ZNF583: variants seen among roughly 807,000 people sequenced by gnomAD.
The protein encoded by ZNF583 is zinc finger protein 583.
A neutral mutation model predicts 55.3 loss-of-function variants in ZNF583; 30 were observed. The ratio of observed to expected loss-of-function variants is 0.54; its 90% CI spans 0.41 to 0.74. ZNF583 has a LOEUF of 0.74. Ranked by LOEUF, ZNF583 falls within the 30% of genes least tolerant of loss-of-function variation. The pLI is 0.00. For synonymous variants in ZNF583, 208 were observed against 220.0 expected (o/e 0.95, Z 0.48); for missense variants, 504 against 664.7 (o/e 0.76, Z 2.66).
At chr19:56,412,364 G>C (rs1304628710) in intron 2 of ZNF583, among the ~76,000 whole-genome samples, 1 of 152,148 alleles carries the variant, frequency 6.6e-6, no homozygotes, top group East Asian at 1.9e-4. Context: ...TAATTTTTAG[G>C]GAGCAAACTA....
chr19:56,410,427 T>C (rs960882849), intron 2 of ZNF583, among the ~76,000 whole-genome samples: 3 of 152,058 alleles, frequency 2.0e-5, no homozygotes, highest in African/African-American at 4.8e-5. Flanking sequence ...CAGCTGGGTG[T>C]GGTGGCTCAC....
At chr19:56,405,371 G>GGCAT (rs1366953873) in intron 1 of ZNF583, among the ~76,000 whole-genome samples, 19 of 152,120 alleles carry the variant, frequency 1.2e-4, no homozygotes, top group Admixed American at 1.2e-3. Context: ...ACAATGTGGG[G>GGCAT]GCATGTCCAT....
chr19:56,424,108 A>G lies in ZNF583; in HGVS notation c.1450A>G (p.Arg484Gly). ...GAATGCAGGCCTTGCTCAACATCAG[A>G]GAATTCATACTGGAGAGAAACCTTA... ...SQNAGLAQHQ[R>G]IHTGEKPYEC... is the part of the protein sequence containing the mutation. The change falls in exon 5 of 5, where the codon AGA becomes GGA. Residue 484 changes from arginine (R) to glycine (G), a missense_variant. Coordinates refer to ENST00000333201, the MANE Select transcript of ZNF583 (RefSeq NM_152478.3). 6.2e-7 allele frequency: 1 copy of G among 1,614,168 alleles called. No homozygotes were observed. The highest frequency in any genetic ancestry group is 1.1e-5 in the South Asian group (1 of 91,078).
At chr19:56,405,175 A>G (rs2042126939) in intron 1 of ZNF583, among the ~76,000 whole-genome samples, 1 of 152,144 alleles carries the variant, frequency 6.6e-6, no homozygotes, top group African/African-American at 2.4e-5. Flanking sequence ...ACTGTATGTG[A>G]ACAGAGTTTT....
At position 56,423,461 on chromosome 19, in the gene ZNF583, A is replaced by G. The variant is rs1178862183; in HGVS notation, c.803A>G (p.Tyr268Cys). The G allele has an allele frequency of 6.2e-7, 1 of 1,614,010 alleles. No individual in the cohort carries two copies. Among genetic ancestry groups the G allele is most frequent in the Non-Finnish European group, 8.5e-7 (1 of 1,179,954 alleles). ...AGAATACATACTGGAGAGAAACCCTATGAATGTAAAGAATGTAGGAAAGCC... is the reference window on the plus strand; with the variant it reads ...AGAATACATACTGGAGAGAAACCCTGTGAATGTAAAGAATGTAGGAAAGCC... Reference protein sequence around the residue: ...HKRIHTGEKPYECKECRKAFS... With the variant: ...HKRIHTGEKPCECKECRKAFS... Residue 268 changes from tyrosine to cysteine, a missense_variant, in exon 5 of 5, where the codon TAT (tyrosine) becomes TGT (cysteine). Around this residue, in one of 3 missense-constraint regions of ZNF583, gnomAD observed 237 missense variants for 373.0 expected, o/e 0.64. Coordinates refer to ENST00000333201, the MANE Select transcript of ZNF583 (RefSeq NM_152478.3).
rs190512773 is a variant in ZNF583, at chr19:56,408,949, T to G, written c.9+1826T>G. ...TTGCTGTCCCTCAGACTTACTGTGC[T>G]TTTTCTTGTCTCTGGACTTTTGCAT... On this transcript the variant is annotated intron_variant, in intron 2 of 4. Transcript: ENST00000333201. Among the ~76,000 whole-genome samples, 8 of 152,312 alleles carry G rather than the reference T, an allele frequency of 5.3e-5. No homozygotes were observed. In the East Asian group the frequency reaches 1.5e-3, roughly 29 times the overall value.
At chr19:56,413,810 CAT>C (rs2042274373) in intron 2 of ZNF583, 147 bp from the exon 3 acceptor site, 6 of 946,856 alleles carry the variant, frequency 6.3e-6, no homozygotes, top group Admixed American at 5.0e-5. Flanking sequence ...AATTACCTGA[CAT>C]GTGTTGCTCA....
intron 4 of ZNF583, among the ~76,000 whole-genome samples, chr19:56,419,826 T>C (rs1188392201): frequency 1.3e-5 from 2 of 152,228 alleles, no homozygotes; most frequent in African/African-American, 2.4e-5. Flanking sequence ...AGCTGTAGGC[T>C]ATGTAATGAT....
Position 56,424,123 on chromosome 19 carries a change from G to C in ZNF583, c.1465G>C (p.Glu489Gln). Reference sequence around the variant, plus strand: ...TCAACATCAGAGAATTCATACTGGAGAGAAACCTTATGAATGTAATGTTTG... The same window carrying C: ...TCAACATCAGAGAATTCATACTGGACAGAAACCTTATGAATGTAATGTTTG... ...LAQHQRIHTG[E>Q]KPYECNVCGK... Residue 489 changes from glutamate (E) to glutamine (Q), a missense_variant, in exon 5 of 5, where the codon GAG (glutamate) becomes CAG (glutamine). Coordinates refer to ENST00000333201, the MANE Select transcript of ZNF583 (RefSeq NM_152478.3). The C allele has an allele frequency of 6.2e-7, 1 of 1,612,210 alleles. No homozygotes were observed. The highest frequency in any genetic ancestry group is 8.5e-7 in the Non-Finnish European group (1 of 1,178,598).
At chr19:56,413,876 G>A in intron 2 of ZNF583, 83 bp from the exon 3 acceptor site, 1 of 1,586,000 alleles carries the variant, frequency 6.3e-7, no homozygotes, top group Non-Finnish European at 8.6e-7. Flanking sequence ...TTCTCTAAAA[G>A]TATAGACAAT....
chr19:56,411,507 A>T (rs1380184324), intron 2 of ZNF583, among the ~76,000 whole-genome samples: 1 of 152,248 alleles, frequency 6.6e-6, no homozygotes. Context: ...CAGCTAAAAA[A>T]TGTCTCAAGG....
At chr19:56,411,865 C>T (rs115479391) in intron 2 of ZNF583, among the ~76,000 whole-genome samples, 280 of 152,160 alleles carry the variant, frequency 1.8e-3, no homozygotes, top group African/African-American at 5.8e-3. Flanking sequence ...TGCATTTTTC[C>T]GGCAGTAGCA....
rs183606433 is a variant in ZNF583 at position 56,414,125 on chromosome 19, A to G, written c.136+40A>G. The G allele has an allele frequency of 1.9e-6, 3 of 1,557,562 alleles. No homozygotes were observed. The East Asian group carries it at 6.7e-5, about 35-fold the overall frequency. ...CCTTAATTCAGAATCTGTACATGGG[A>G]CTGAGCTCCAATGTAATATTTGGGA... On this transcript the variant is annotated intron_variant, in intron 3 of 4. Coordinates refer to ENST00000333201, the MANE Select transcript of ZNF583 (RefSeq NM_152478.3).
rs2042254182 is a variant in ZNF583 at position 56,412,484 on chromosome 19, T to C, written c.10-1475T>C. ...TCTCTTGCTCATCAAACAGGCACAA[T>C]TGTGTATGTTTCTCTAGTGAGAGCT... On this transcript the variant is annotated intron_variant, in intron 2 of 4. Coordinates refer to ENST00000333201, the MANE Select transcript of ZNF583 (RefSeq NM_152478.3). Among the ~76,000 whole-genome samples the C allele has an allele frequency of 2.0e-5, 3 of 152,218 alleles. No individual in the cohort carries two copies. In the South Asian group the frequency reaches 6.2e-4, roughly 32 times the overall value.
Position 56,414,294 on chromosome 19 carries a change from T to G in ZNF583, c.137-51T>G, listed in dbSNP as rs373191163. The G allele has an allele frequency of 1.8e-5, 29 of 1,592,830 alleles. No homozygotes were observed. In the African/African-American group the frequency reaches 3.2e-4, roughly 18 times the overall value. ...CCCACCTTCTTGATGATGCAGAAAC[T>G]TGATCTTATTTATAGACCTGCCTAA... On this transcript the variant is annotated intron_variant, in intron 3 of 4. Coordinates refer to ENST00000333201, the MANE Select transcript of ZNF583 (RefSeq NM_152478.3).
chr19:56,413,665 A>G (rs890541015), intron 2 of ZNF583, among the ~76,000 whole-genome samples: 5 of 152,166 alleles, frequency 3.3e-5, no homozygotes, highest in Admixed American at 3.3e-4. Context: ...CATATTTTAT[A>G]CTTTATTTAC....
rs756629336 is a variant in ZNF583, at chr19:56,409,012, T to TC, written c.9+1894dup. On this transcript the variant is annotated intron_variant, in intron 2 of 4. Coordinates refer to ENST00000333201, the MANE Select transcript of ZNF583 (RefSeq NM_152478.3). ...CCCCCTACATGTTGACATAGCTTGC[T>TC]CCCCCATTTCATTTAGATTGTTGTT... Among the ~76,000 whole-genome samples, 19 of 150,240 alleles carry TC rather than the reference T, an allele frequency of 1.3e-4. 1 individual carries two copies. Among genetic ancestry groups the TC allele is most frequent in the East Asian group, 7.8e-4 (4 of 5,128 alleles).
At chr19:56,421,421 C>G in intron 4 of ZNF583, 1 of 982,500 alleles carries the variant, frequency 1.0e-6, no homozygotes, top group African/African-American at 1.7e-5. Context: ...TTCATGTTGA[C>G]TTTTTATAGG....
intron 2 of ZNF583, among the ~76,000 whole-genome samples, chr19:56,410,259 T>C (rs1055834081): frequency 6.6e-6 from 1 of 152,232 alleles, no homozygotes; most frequent in Non-Finnish European, 1.5e-5. Flanking sequence ...AATTTGACCG[T>C]ATCGTTGCTG....
Sources: gnomAD v4.1 joint callset for allele counts (sites outside exome capture counted in the v4.1 genomes callset) on GRCh38, gnomAD v4.1.1 for gene constraint, gnomAD v4.1.1 regional missense constraint, MANE v1.5 for transcripts, NCBI Gene and HGNC (gene_info 2026-07-23, HGNC 2026-07-21) for gene names.